The following DACH1 variants were observed in gnomAD, a reference collection of about 807,000 sequenced individuals.
DACH1 encodes the protein dachshund homolog 1.
In DACH1, 12 loss-of-function variants were observed where a neutral mutation model predicts 54.2. The ratio of observed to expected loss-of-function variants is 0.22; its 90% CI spans 0.14 to 0.36. DACH1 has a LOEUF of 0.36. DACH1 is among the 10% of genes least tolerant of loss of function. The pLI is 1.00. For synonymous variants in DACH1, 386 were observed against 366.2 expected (o/e 1.05, Z -0.62); for missense variants, 805 against 929.8 (o/e 0.87, Z 1.75).
chr13:71,834,139 A>G (rs1275481650), intron 1 of DACH1, among the ~76,000 whole-genome samples: 2 of 152,084 alleles, frequency 1.3e-5, no homozygotes, highest in African/African-American at 4.8e-5. Context: ...AATCAATTAA[A>G]GTAGCGAAAT....
At chr13:71,568,116 T>C (rs80253500) in intron 4 of DACH1, among the ~76,000 whole-genome samples, 14,199 of 152,054 alleles carry the variant, frequency 0.093, 1,347 homozygotes, top group East Asian at 0.39. Flanking sequence ...AAATAGCTAA[T>C]GTGATAGTCT....
chr13:71,663,336 C>T (rs1475911098), intron 2 of DACH1, among the ~76,000 whole-genome samples: 1 of 151,922 alleles, frequency 6.6e-6, no homozygotes, highest in African/African-American at 2.4e-5. Context: ...TCATAAACAA[C>T]TTTGTCATTT....
intron 6 of DACH1, among the ~76,000 whole-genome samples, chr13:71,515,538 T>C (rs908165893): frequency 2.6e-5 from 4 of 151,958 alleles, no homozygotes; most frequent in Non-Finnish European, 4.4e-5. Flanking sequence ...AAAGTTTAGA[T>C]GTGTAGATTT....
At chr13:71,727,479 C>A (rs1883524220) in intron 1 of DACH1, among the ~76,000 whole-genome samples, 1 of 152,096 alleles carries the variant, frequency 6.6e-6, no homozygotes, top group Non-Finnish European at 1.5e-5. Context: ...TTGAATACTT[C>A]TTCATGTCTG....
chr13:71,806,823 T>A (rs187613853), intron 1 of DACH1, among the ~76,000 whole-genome samples: 2 of 152,306 alleles, frequency 1.3e-5, no homozygotes, highest in African/African-American at 4.8e-5. Context: ...TTTATTTAAA[T>A]TAGATCCAAA....
chr13:71,595,651 A>G (rs1384253684), intron 3 of DACH1, among the ~76,000 whole-genome samples: 2 of 152,168 alleles, frequency 1.3e-5, no homozygotes. Flanking sequence ...TAAACAACAA[A>G]TATAGATTTC....
chr13:71,494,604 G>T (rs1189667784), intron 6 of DACH1, among the ~76,000 whole-genome samples: 2 of 152,018 alleles, frequency 1.3e-5, no homozygotes, highest in Non-Finnish European at 2.9e-5. Flanking sequence ...TAATGCCATT[G>T]TAAGTTAAGA....
intron 2 of DACH1, among the ~76,000 whole-genome samples, chr13:71,659,846 T>C (rs1030170181): frequency 2.0e-5 from 3 of 152,162 alleles, no homozygotes; most frequent in Non-Finnish European, 4.4e-5. Flanking sequence ...ATATCTTTAA[T>C]GGACATTGGC....
intron 1 of DACH1, among the ~76,000 whole-genome samples, chr13:71,791,236 A>AC (rs1886817585): frequency 6.6e-6 from 1 of 152,134 alleles, no homozygotes; most frequent in Non-Finnish European, 1.5e-5. Context: ...TGCTAATATA[A>AC]CCCATTTGCT....
chr13:71,844,189 A>G (rs1873067098), intron 1 of DACH1, among the ~76,000 whole-genome samples: 1 of 152,214 alleles, frequency 6.6e-6, no homozygotes, highest in Non-Finnish European at 1.5e-5. Context: ...TGATTCTGGT[A>G]TGCTTAAAAT....
intron 6 of DACH1, among the ~76,000 whole-genome samples, chr13:71,545,481 T>C (rs1883401592): frequency 6.8e-6 from 1 of 147,474 alleles, no homozygotes; most frequent in African/African-American, 2.5e-5. Flanking sequence ...CTCATAGTTA[T>C]CACGATTTTT....
At chr13:71,608,380 T>G (rs1439921965) in intron 3 of DACH1, among the ~76,000 whole-genome samples, 1 of 152,030 alleles carries the variant, frequency 6.6e-6, no homozygotes, top group Non-Finnish European at 1.5e-5. Context: ...ATGAATATGT[T>G]GGTTTGTTAA....
chr13:71,652,991 C>A (rs1322313477), intron 2 of DACH1, among the ~76,000 whole-genome samples: 1 of 152,112 alleles, frequency 6.6e-6, no homozygotes, highest in East Asian at 1.9e-4. Context: ...CCTCCCAACT[C>A]GAGATAAATG....
chr13:71,552,830 TATATATATATATAGAGAGAG>T (rs1200992748), intron 6 of DACH1, among the ~76,000 whole-genome samples: 36 of 42,814 alleles, frequency 8.4e-4, no homozygotes, highest in African/African-American at 3.3e-3. Flanking sequence ...TATATATATA[TATATATATATATAGAGAGAG>T]AGAGAGAGAG....
At chr13:71,787,869 G>T (rs1385657549) in intron 1 of DACH1, among the ~76,000 whole-genome samples, 6 of 152,128 alleles carry the variant, frequency 3.9e-5, no homozygotes. Context: ...TGAACAAAAT[G>T]AGCGGAAATC....
chr13:71,803,625 C>T (rs976745100), intron 1 of DACH1, among the ~76,000 whole-genome samples: 2 of 151,906 alleles, frequency 1.3e-5, no homozygotes, highest in Non-Finnish European at 2.9e-5. Context: ...CTTTCTCATT[C>T]GAAAGCAAAT....
chr13:71,602,541 T>G (rs1338478020), intron 3 of DACH1, among the ~76,000 whole-genome samples: 5 of 152,010 alleles, frequency 3.3e-5, no homozygotes, highest in African/African-American at 4.8e-5. Context: ...AAAATTGTAT[T>G]TGGTGAAATA....
chr13:71,866,444 G>T lies in DACH1; in HGVS notation c.326C>A (p.Ala109Glu), dbSNP rs1051896039. The change falls in exon 1 of 11, where the codon GCG becomes GAG. Residue 109 changes from alanine to glutamate, a missense_variant. Physicochemically the swap from Ala to Glu is moderately radical, Grantham distance 107 (BLOSUM62 -1). Coordinates refer to ENST00000613252, the MANE Select transcript of DACH1 (RefSeq NM_080759.6). Reference protein sequence around the residue: ...GGGSNCNPNLAAASNGSGGGG... With the variant: ...GGGSNCNPNLEAASNGSGGGG... The stretch of plus-strand genomic sequence containing the variant: ...GCCGCCGCTGCCGTTGCTCGCGGCC[G>T]CCAGGTTGGGGTTGCAGTTGCTGCC... The T allele has an allele frequency of 7.1e-7, 1 of 1,404,472 alleles. No homozygotes were observed. The highest frequency in any genetic ancestry group is 9.3e-7 in the Non-Finnish European group (1 of 1,075,920). The allele number at this position is 1,404,472 out of a possible 1,614,324, so 87.0% of individuals were successfully genotyped here. A position where few individuals can be genotyped will look rare whatever the true frequency, so the allele number is the denominator to read the frequency against.
intron 1 of DACH1, among the ~76,000 whole-genome samples, chr13:71,817,826 T>TC (rs1434990500): frequency 6.8e-6 from 1 of 147,306 alleles, no homozygotes; most frequent in Non-Finnish European, 1.5e-5. Flanking sequence ...TTTTTTTTTT[T>TC]TTTTTTGAGA....
Sources: gnomAD v4.1 joint callset for allele counts (sites outside exome capture counted in the v4.1 genomes callset) on GRCh38, gnomAD v4.1.1 for gene constraint, MANE v1.5 for transcripts, NCBI Gene and HGNC (gene_info 2026-07-23, HGNC 2026-07-21) for gene names.